Variants in SMIM14 observed in about 807,000 individuals in gnomAD.
The protein encoded by SMIM14 is small integral membrane protein 14.
SMIM14 carries 5 observed loss-of-function variants against 12.6 expected under a neutral mutation model. The ratio of observed to expected loss-of-function variants is 0.40; its 90% CI spans 0.21 to 0.83. The LOEUF (loss-of-function observed/expected upper bound fraction) is 0.83. SMIM14 is among the 40% of genes least tolerant of loss of function. The probability of loss-of-function intolerance (pLI) is 0.37; values close to 1 mark genes in which losing one functional copy is unlikely to be tolerated. For synonymous variants in SMIM14, 30 were observed against 40.1 expected, an observed-to-expected ratio of 0.75 and a Z score of 0.95; for missense variants, 86 against 119.1, an observed-to-expected ratio of 0.72 and a Z score of 1.29.
At position 39,605,003 on chromosome 4, in the gene SMIM14, A is replaced by G. The variant is rs145261122; in HGVS notation, c.75+68T>C. On this transcript the variant is annotated intron_variant, in intron 2 of 4. Transcript: ENST00000295958. Reference sequence around the variant, plus strand: ...AGATGAAAACCCTCCAATAACCAGTATTTTCATGAAAAGAGGATACAAGGG... The same window carrying G: ...AGATGAAAACCCTCCAATAACCAGTGTTTTCATGAAAAGAGGATACAAGGG... 1.1e-3 allele frequency: 1,084 copies of G among 951,082 alleles called. 9 individuals carry two copies. The African/African-American group carries it at 0.015, about 13-fold the overall frequency. The allele number at this position is 951,082 out of a possible 1,614,324, so 58.9% of individuals were successfully genotyped here. A position where few individuals can be genotyped will look rare whatever the true frequency, so the allele number is the denominator to read the frequency against.
Position 39,546,862 on chromosome 4 carries a change from C to CTTT in SMIM14, c.*5263_*5264insAAA, listed in dbSNP as rs1747366342. 6.6e-6 allele frequency: 1 copy of CTTT among 152,158 alleles called. No individual in the cohort carries two copies. The highest frequency in any genetic ancestry group is 2.4e-5 in the African/African-American group (1 of 41,400). 9.4% of individuals were successfully genotyped at this position (152,158 alleles called of 1,614,324 possible). On this transcript the variant is annotated 3_prime_UTR_variant, in exon 5 of 5. Transcript: ENST00000295958. Reference sequence around the variant, plus strand: ...TTTACATGTATATGAGTATTCATGACCTTTAATGTCTGGACACATTCTAGG... The same window carrying CTTT: ...TTTACATGTATATGAGTATTCATGACTTTCTTTAATGTCTGGACACATTCTAGG...
chr4:39,628,294 G>A (rs1715775304), intron 1 of SMIM14, among the ~76,000 whole-genome samples: 1 of 146,416 alleles, frequency 6.8e-6, no homozygotes, highest in Non-Finnish European at 1.5e-5. Flanking sequence ...GCAACAGAGT[G>A]AGACTCCATC....
intron 2 of SMIM14, chr4:39,593,097 C>A (rs1714187189): frequency 6.6e-6 from 1 of 151,484 alleles, no homozygotes; most frequent in African/African-American, 2.4e-5. Flanking sequence ...AGAGACACAA[C>A]CAAAAAAGAG....
At chr4:39,619,060 A>G (rs1285785373) in intron 1 of SMIM14, among the ~76,000 whole-genome samples, 1 of 152,034 alleles carries the variant, frequency 6.6e-6, no homozygotes, top group Non-Finnish European at 1.5e-5. Context: ...TTAAGTGATG[A>G]TAGAGGGTAA....
chr4:39,616,773 T>C (rs1032812119), intron 1 of SMIM14, among the ~76,000 whole-genome samples: 1 of 152,130 alleles, frequency 6.6e-6, no homozygotes, highest in Non-Finnish European at 1.5e-5. Flanking sequence ...TTGAAACCTC[T>C]CTACTCTTTT....
intron 2 of SMIM14, among the ~76,000 whole-genome samples, chr4:39,592,035 A>G (rs1560296410): frequency 6.6e-6 from 1 of 152,076 alleles, no homozygotes; most frequent in African/African-American, 2.4e-5. Context: ...TCTACAAAAA[A>G]AAATACAAAA....
intron 2 of SMIM14, among the ~76,000 whole-genome samples, chr4:39,599,708 G>A (rs754910763): frequency 6.6e-6 from 1 of 152,044 alleles, no homozygotes; most frequent in Non-Finnish European, 1.5e-5. Flanking sequence ...TGGATCACGA[G>A]GACAAGAGAT....
At chr4:39,592,078 A>G (rs1045050980) in intron 2 of SMIM14, among the ~76,000 whole-genome samples, 5 of 152,002 alleles carry the variant, frequency 3.3e-5, no homozygotes, top group Admixed American at 2.6e-4. Flanking sequence ...TACCTGTAGA[A>G]CCAGCTACTC....
Position 39,638,746 on chromosome 4 carries a change from G to A in SMIM14, c.-43C>T, listed in dbSNP as rs1716200673. 1 of 985,470 alleles carries A rather than the reference G, an allele frequency of 1.0e-6. No individual in the cohort carries two copies. The highest frequency in any genetic ancestry group is 1.2e-6 in the Non-Finnish European group (1 of 829,974). The allele number at this position is 985,470 out of a possible 1,614,324, so 61.0% of individuals were successfully genotyped here. ...AGAGGGGGAGACACTCACCCGCCCA[G>A]ACAACAACCGATGGGGCGGGGAGGA... On this transcript the variant is annotated 5_prime_UTR_variant, in exon 1 of 5. Coordinates refer to ENST00000295958, the MANE Select transcript of SMIM14 (RefSeq NM_174921.3).
chr4:39,597,953 T>C (rs1714443378), intron 2 of SMIM14, among the ~76,000 whole-genome samples: 1 of 152,202 alleles, frequency 6.6e-6, no homozygotes, highest in South Asian at 2.1e-4. Flanking sequence ...GAAGACTTCA[T>C]TACAAGACTT....
intron 1 of SMIM14, among the ~76,000 whole-genome samples, chr4:39,610,749 C>T (rs747180136): frequency 4.0e-5 from 6 of 151,344 alleles, no homozygotes; most frequent in Non-Finnish European, 8.8e-5. Context: ...ATGTGAATAG[C>T]TCTGGGGAAG....
intron 1 of SMIM14, among the ~76,000 whole-genome samples, chr4:39,606,470 G>A (rs1371467674): frequency 6.6e-6 from 1 of 151,856 alleles, no homozygotes; most frequent in African/African-American, 2.4e-5. Context: ...GTGAAACCCC[G>A]TCTCTACTAA....
intron 1 of SMIM14, among the ~76,000 whole-genome samples, chr4:39,629,701 G>GCAGCCT (rs1204256678): frequency 6.6e-6 from 1 of 152,074 alleles, no homozygotes; most frequent in African/African-American, 2.4e-5. Flanking sequence ...ACAGCTCCCT[G>GCAGCCT]CAGCCTCAGC....
intron 2 of SMIM14, among the ~76,000 whole-genome samples, chr4:39,596,385 G>A (rs755440245): frequency 2.7e-4 from 41 of 152,098 alleles, no homozygotes; most frequent in Non-Finnish European, 5.0e-4. Flanking sequence ...GTGAGCCACC[G>A]GGCCCGGCCG....
At chr4:39,620,277 A>C (rs1715434588) in intron 1 of SMIM14, among the ~76,000 whole-genome samples, 1 of 151,852 alleles carries the variant, frequency 6.6e-6, no homozygotes, top group African/African-American at 2.4e-5. Flanking sequence ...CAGGAGATGG[A>C]GACCACCCTG....
At chr4:39,569,699 T>C (rs544195425) in intron 3 of SMIM14, among the ~76,000 whole-genome samples, 2 of 151,110 alleles carry the variant, frequency 1.3e-5, no homozygotes, top group African/African-American at 4.9e-5. Context: ...ACTGAGCCAC[T>C]GCACTCCAGC....
intron 3 of SMIM14, among the ~76,000 whole-genome samples, chr4:39,562,238 G>A (rs533444388): frequency 2.0e-5 from 3 of 152,004 alleles, no homozygotes; most frequent in East Asian, 1.9e-4. Context: ...TTAGCTGAGT[G>A]TGGTGGTGCA....
chr4:39,598,899 C>T (rs1714486322), intron 2 of SMIM14, among the ~76,000 whole-genome samples: 1 of 151,968 alleles, frequency 6.6e-6, no homozygotes. Flanking sequence ...TCCTGATGCA[C>T]AGCTGCCACC....
intron 1 of SMIM14, among the ~76,000 whole-genome samples, chr4:39,613,839 A>G (rs759056929): frequency 2.0e-4 from 30 of 152,214 alleles, no homozygotes; most frequent in Non-Finnish European, 3.5e-4. Context: ...TTGTTTCTCA[A>G]AAATGTGCAA....
Sources: gnomAD v4.1 joint callset for allele counts (sites outside exome capture counted in the v4.1 genomes callset) on GRCh38, gnomAD v4.1.1 for gene constraint, MANE v1.5 for transcripts, NCBI Gene and HGNC (gene_info 2026-07-23, HGNC 2026-07-21) for gene names.